Variants in DLAT observed in about 807,000 individuals in gnomAD.
The protein encoded by DLAT is dihydrolipoamide S-acetyltransferase, also known as dihydrolipoyllysine-residue acetyltransferase component of pyruvate dehydrogenase complex, mitochondrial.
Under a neutral mutation model 68.0 loss-of-function variants are expected in DLAT, and 43 were observed. The observed-to-expected ratio is 0.63, with a 90% CI of 0.50 to 0.81. The LOEUF (loss-of-function observed/expected upper bound fraction) is 0.81. DLAT is among the 40% of genes least tolerant of loss of function. The pLI is 0.00. For missense variants in DLAT, 745 were observed against 815.4 expected (o/e 0.91, Z 1.05); for synonymous variants, 265 against 288.6 (o/e 0.92, Z 0.83).
At chr11:112,035,509 A>G (rs9704157) in intron 5 of DLAT, among the ~76,000 whole-genome samples, 149,436 of 149,448 alleles carry the variant, frequency 1, 74,712 homozygotes, top group Middle Eastern at 1. Context: ...TTTTTTTGGA[A>G]ACAGAGTCTG....
chr11:112,025,807 G>A lies in DLAT; in HGVS notation c.279+56G>A, dbSNP rs192971364. On this transcript the variant is annotated intron_variant, in intron 1 of 13. Transcript: ENST00000280346. ...CGTTGTCCTTCAGAGCTGACTGGAT[G>A]CCTGCAAGATCCTCCTTGAGAGGCC... 925 of 1,604,022 alleles carry A rather than the reference G, an allele frequency of 5.8e-4. 5 individuals are homozygous for A. In the African/African-American group the frequency reaches 0.01, roughly 18 times the overall value.
rs1449395129 is a variant in DLAT, at chr11:112,062,733, A to C, written c.*198A>C. ...CACCCAAATATTGTGCACATTTAAT[A>C]ATCAGACACCAGATTTTTAGCTCTG... On this transcript the variant is annotated 3_prime_UTR_variant, in exon 14 of 14. Coordinates refer to ENST00000280346, the MANE Select transcript of DLAT (RefSeq NM_001931.5). The C allele has an allele frequency of 2.7e-5, 16 of 595,952 alleles. No individual in the cohort carries two copies. The highest frequency in any genetic ancestry group is 9.7e-4 in the Middle Eastern group (2 of 2,054). The allele number at this position is 595,952 out of a possible 1,614,324, so 36.9% of individuals were successfully genotyped here.
chr11:112,041,059 A>C (rs1863030005), intron 7 of DLAT, among the ~76,000 whole-genome samples: 1 of 152,220 alleles, frequency 6.6e-6, no homozygotes. Context: ...TCAGTTGCTT[A>C]TATGACCAAC....
intron 1 of DLAT, 99 bp downstream of exon 1, chr11:112,025,850 A>G (rs1861966327): frequency 1.4e-6 from 2 of 1,453,686 alleles, no homozygotes; most frequent in East Asian, 2.4e-5. Flanking sequence ...TCCTCCACCC[A>G]TTCCCAGTAT....
At chr11:112,057,483 C>T (rs115585968) in intron 11 of DLAT, among the ~76,000 whole-genome samples, 1,584 of 152,330 alleles carry the variant, frequency 0.01, 25 homozygotes, top group African/African-American at 0.035. Flanking sequence ...AAGTACTATC[C>T]TGGTGAACAC....
chr11:112,039,735 T>G (rs1220732222), intron 7 of DLAT, among the ~76,000 whole-genome samples: 2 of 152,166 alleles, frequency 1.3e-5, no homozygotes, highest in Non-Finnish European at 2.9e-5. Flanking sequence ...CTGTTAGTGC[T>G]TGGTTGACTG....
intron 7 of DLAT, among the ~76,000 whole-genome samples, chr11:112,042,375 G>A (rs1863096573): frequency 6.6e-6 from 1 of 152,182 alleles, no homozygotes; most frequent in South Asian, 2.1e-4. Context: ...GGTTGTAAGG[G>A]GAGGTTATGG....
intron 9 of DLAT, 54 bp downstream of exon 9, chr11:112,045,284 T>G: frequency 2.2e-6 from 3 of 1,373,536 alleles, no homozygotes; most frequent in Non-Finnish European, 2.1e-6. Flanking sequence ...TTTAGGTTGT[T>G]TAGTTGCTTC....
intron 9 of DLAT, among the ~76,000 whole-genome samples, 194 bp downstream of exon 9, chr11:112,045,424 A>T (rs587614650): frequency 6.6e-6 from 1 of 152,314 alleles, no homozygotes; most frequent in Admixed American, 6.5e-5. Flanking sequence ...GCAGTAGCTC[A>T]TGCCTGTAAT....
chr11:112,040,989 T>G (rs1289310480), intron 7 of DLAT, among the ~76,000 whole-genome samples: 4 of 151,080 alleles, frequency 2.6e-5, no homozygotes, highest in African/African-American at 9.7e-5. Flanking sequence ...AGGTGATAAA[T>G]ATCATCGACT....
intron 10 of DLAT, among the ~76,000 whole-genome samples, chr11:112,046,801 CT>C (rs199646575): frequency 0.054 from 8,226 of 151,964 alleles, 615 homozygotes; most frequent in African/African-American, 0.16. Flanking sequence ...CAAACTCATC[CT>C]TTTTTTTATG....
In DLAT at chr11:112,060,074, T is replaced by G; in HGVS notation, c.1677+9T>G. On this transcript the variant is annotated intron_variant, in intron 12 of 13. Transcript: ENST00000280346. Reference sequence around the variant, plus strand: ...AGCCACATGAATTCCAGGTAGGGTATTAATTATTGCTTTCTAATTATGTTA... The same window carrying G: ...AGCCACATGAATTCCAGGTAGGGTAGTAATTATTGCTTTCTAATTATGTTA... 1 of 1,612,756 alleles carries G rather than the reference T, an allele frequency of 6.2e-7. No homozygotes were observed. The highest frequency in any genetic ancestry group is 8.5e-7 in the Non-Finnish European group (1 of 1,178,864).
intron 7 of DLAT, among the ~76,000 whole-genome samples, chr11:112,042,319 T>C (rs1863093656): frequency 6.6e-6 from 1 of 152,218 alleles, no homozygotes; most frequent in South Asian, 2.1e-4. Flanking sequence ...CAGGTGGTAC[T>C]ATGGATTTCC....
intron 11 of DLAT, among the ~76,000 whole-genome samples, chr11:112,052,346 C>A (rs975819261): frequency 3.3e-4 from 50 of 152,178 alleles, no homozygotes; most frequent in South Asian, 1.0e-3. Flanking sequence ...AGATTGAGGG[C>A]TCAGTCCTAC....
At chr11:112,052,765 C>G (rs188836600) in intron 11 of DLAT, among the ~76,000 whole-genome samples, 20 of 152,182 alleles carry the variant, frequency 1.3e-4, no homozygotes, top group Admixed American at 7.2e-4. Flanking sequence ...ATCTCCCTCC[C>G]CTTTCCCTTA....
In DLAT at chr11:112,064,000, T is replaced by G. The variant is rs2135183284; in HGVS notation, c.*1465T>G. ...TATTCATTATTACATGGTACACAAG[T>G]GACACTCCATATATTCCACACAGAC... On this transcript the variant is annotated 3_prime_UTR_variant, in exon 14 of 14. Coordinates refer to ENST00000280346, the MANE Select transcript of DLAT (RefSeq NM_001931.5). 1.7e-6 allele frequency: 1 copy of G among 598,634 alleles called. No homozygotes were observed. The highest frequency in any genetic ancestry group is 2.8e-6 in the Non-Finnish European group (1 of 357,788). 37.1% of individuals were successfully genotyped at this position (598,634 alleles called of 1,614,324 possible).
At chr11:112,039,964 AT>A (rs1862968805) in intron 7 of DLAT, among the ~76,000 whole-genome samples, 1 of 152,210 alleles carries the variant, frequency 6.6e-6, no homozygotes, top group African/African-American at 2.4e-5. Flanking sequence ...TCTATGTAAT[AT>A]GTTTTCCAGT....
chr11:112,061,208 A>T (rs1566642368), intron 13 of DLAT, 34 bp downstream of exon 13: 1 of 1,612,610 alleles, frequency 6.2e-7, no homozygotes, highest in African/African-American at 1.3e-5. Flanking sequence ...GTCGTAAGCT[A>T]ATTTTTATTA....
rs1278497470 is a variant in DLAT, at chr11:112,045,025, ACT to A, written c.1198-110_1198-109del. 9.2e-5 allele frequency: 71 copies of A among 769,684 alleles called. No individual in the cohort carries two copies. The African/African-American group carries it at 1.4e-3, about 15-fold the overall frequency. 47.7% of individuals were successfully genotyped at this position (769,684 alleles called of 1,614,324 possible). ...ATTCTAGCCTGGGTGACAGAGCAAG[ACT>A]CTGTCTCAAAAGACAAAAAAAAAAA... On this transcript the variant is annotated intron_variant, in intron 8 of 13. Coordinates refer to ENST00000280346, the MANE Select transcript of DLAT (RefSeq NM_001931.5).
Sources: gnomAD v4.1 joint callset for allele counts (sites outside exome capture counted in the v4.1 genomes callset) on GRCh38, gnomAD v4.1.1 for gene constraint, MANE v1.5 for transcripts, NCBI Gene and HGNC (gene_info 2026-07-23, HGNC 2026-07-21) for gene names.